PTPRN2: variants seen among roughly 807,000 people sequenced by gnomAD.
PTPRN2 encodes protein tyrosine phosphatase receptor type N2.
Under a neutral mutation model 118.8 loss-of-function variants are expected in PTPRN2, and 74 were observed. The ratio of observed to expected loss-of-function variants is 0.62; its 90% CI spans 0.52 to 0.76. PTPRN2 has a LOEUF of 0.76. PTPRN2 is among the 30% of genes least tolerant of loss of function. The pLI, the probability that PTPRN2 is intolerant of heterozygous loss-of-function variation, is 0.00. For synonymous variants in PTPRN2, 641 were observed against 608.0 expected (o/e 1.05, Z -0.80); for missense variants, 1,481 against 1,394.4 (o/e 1.06, Z -0.99).
chr7:158,417,195 G>A (rs955278592), intron 2 of PTPRN2, among the ~76,000 whole-genome samples: 4 of 152,008 alleles, frequency 2.6e-5, no homozygotes, highest in Admixed American at 6.5e-5. Context: ...TTTCCCTGCT[G>A]TGTTAAGTCA....
chr7:158,245,840 G>A (rs1043799591), intron 3 of PTPRN2, among the ~76,000 whole-genome samples: 14 of 152,074 alleles, frequency 9.2e-5, no homozygotes, highest in Non-Finnish European at 1.3e-4. Flanking sequence ...CGCCAACCCC[G>A]GTGCCATGGT....
chr7:157,706,402 G>A lies in PTPRN2; in HGVS notation c.1789-23465C>T, dbSNP rs147695063. ...TCCCTCCACGATGTGGGAACTGGGC[G>A]AATGTGACCCCAGTGCCTTCCAGAT... On this transcript the variant is annotated intron_variant, in intron 12 of 22. Coordinates refer to ENST00000389418, the MANE Select transcript of PTPRN2 (RefSeq NM_002847.5). 1.1e-4 allele frequency among the ~76,000 whole-genome samples: 16 copies of A among 151,530 alleles called. No individual in the cohort carries two copies. In the South Asian group the frequency reaches 2.5e-3, roughly 24 times the overall value.
intron 16 of PTPRN2, among the ~76,000 whole-genome samples, chr7:157,602,146 G>A (rs1801703896): frequency 6.6e-6 from 1 of 152,230 alleles, no homozygotes; most frequent in Non-Finnish European, 1.5e-5. Flanking sequence ...TGGAAGGAAG[G>A]AAGTGATTCC....
At chr7:158,349,901 G>GC (rs1178779294) in intron 2 of PTPRN2, among the ~76,000 whole-genome samples, 2 of 152,088 alleles carry the variant, frequency 1.3e-5, no homozygotes, top group East Asian at 3.9e-4. Context: ...GTCCCTGAGG[G>GC]CCCCCCGGGC....
chr7:158,502,526 C>T (rs992694814), intron 1 of PTPRN2, among the ~76,000 whole-genome samples: 2 of 152,218 alleles, frequency 1.3e-5, no homozygotes, highest in Non-Finnish European at 2.9e-5. Flanking sequence ...CCACCAGCCC[C>T]ACCCCTGCTC....
At chr7:158,377,545 G>A (rs1421221739) in intron 2 of PTPRN2, among the ~76,000 whole-genome samples, 3 of 152,160 alleles carry the variant, frequency 2.0e-5, no homozygotes, top group Non-Finnish European at 4.4e-5. Flanking sequence ...CAGAGTGCTA[G>A]GGAGGAGGCA....
At chr7:157,557,136 C>A (rs1798937201) in intron 21 of PTPRN2, among the ~76,000 whole-genome samples, 1 of 151,050 alleles carries the variant, frequency 6.6e-6, no homozygotes, top group Non-Finnish European at 1.5e-5. Context: ...TGCACACCCA[C>A]ACTCATATAT....
chr7:158,227,818 G>A (rs1037068199), intron 3 of PTPRN2, among the ~76,000 whole-genome samples: 10 of 152,186 alleles, frequency 6.6e-5, no homozygotes, highest in Non-Finnish European at 8.8e-5. Context: ...GATCAGGTGG[G>A]CTCTCCTTCC....
At chr7:157,728,663 G>T (rs1038226930) in intron 12 of PTPRN2, among the ~76,000 whole-genome samples, 2 of 152,194 alleles carry the variant, frequency 1.3e-5, no homozygotes, top group African/African-American at 4.8e-5. Flanking sequence ...CTCAAAACCT[G>T]CCTGTCTGCG....
intron 12 of PTPRN2, among the ~76,000 whole-genome samples, chr7:157,882,299 CA>C (rs1796181716): frequency 6.6e-6 from 1 of 151,848 alleles, no homozygotes; most frequent in South Asian, 2.1e-4. Flanking sequence ...CACACCACCC[CA>C]AAAATGACTA....
At chr7:158,483,548 T>C (rs1220013833) in intron 2 of PTPRN2, among the ~76,000 whole-genome samples, 1 of 152,172 alleles carries the variant, frequency 6.6e-6, no homozygotes, top group Non-Finnish European at 1.5e-5. Flanking sequence ...GAGGTGATTG[T>C]TTGCTGGAAA....
At chr7:158,121,801 C>A (rs1817196826) in intron 9 of PTPRN2, among the ~76,000 whole-genome samples, 1 of 152,228 alleles carries the variant, frequency 6.6e-6, no homozygotes, top group Non-Finnish European at 1.5e-5. Context: ...CAGTCCACTC[C>A]CTTCCTTCCT....
chr7:157,907,137 C>T (rs1797816565), intron 11 of PTPRN2, among the ~76,000 whole-genome samples: 1 of 152,202 alleles, frequency 6.6e-6, no homozygotes, highest in African/African-American at 2.4e-5. Context: ...AGCATAAAAC[C>T]ACCTTCAAGG....
chr7:157,597,265 G>A (rs552451945), intron 16 of PTPRN2, among the ~76,000 whole-genome samples: 3 of 152,226 alleles, frequency 2.0e-5, no homozygotes, highest in East Asian at 1.9e-4. Context: ...TTTGAAATTC[G>A]CCACAACACA....
intron 13 of PTPRN2, among the ~76,000 whole-genome samples, chr7:157,663,323 G>A (rs765943279): frequency 5.9e-5 from 9 of 152,136 alleles, no homozygotes; most frequent in Non-Finnish European, 7.4e-5. Flanking sequence ...ACTGGCTGTC[G>A]GCCGTCCTGC....
chr7:158,139,501 G>A (rs547829985), intron 6 of PTPRN2, among the ~76,000 whole-genome samples: 15 of 151,252 alleles, frequency 9.9e-5, no homozygotes, highest in South Asian at 4.2e-4. Context: ...ACGGGGGGGT[G>A]GGAAAGGAAC....
chr7:157,670,766 C>G (rs934984652), intron 13 of PTPRN2, among the ~76,000 whole-genome samples: 6 of 152,234 alleles, frequency 3.9e-5, no homozygotes, highest in Non-Finnish European at 8.8e-5. Context: ...CCTCTGTGAG[C>G]AAAGCCAGCC....
intron 1 of PTPRN2, among the ~76,000 whole-genome samples, chr7:158,496,250 C>T (rs565407059): frequency 7.4e-6 from 1 of 135,326 alleles, no homozygotes; most frequent in East Asian, 2.4e-4. Context: ...CTTCCCTGCA[C>T]CCCTTCATCT....
At chr7:157,776,237 CCTCCCTCCT>C (rs1803222124) in intron 12 of PTPRN2, among the ~76,000 whole-genome samples, 1 of 114,290 alleles carries the variant, frequency 8.7e-6, no homozygotes, top group Non-Finnish European at 1.7e-5. Flanking sequence ...TTCTCATCTT[CCTCCCTCCT>C]CTCCCTCTCC....
Sources: gnomAD v4.1 joint callset for allele counts (sites outside exome capture counted in the v4.1 genomes callset) on GRCh38, gnomAD v4.1.1 for gene constraint, MANE v1.5 for transcripts, NCBI Gene and HGNC (gene_info 2026-07-23, HGNC 2026-07-21) for gene names.